Variants in CLVS1 observed in about 807,000 individuals in gnomAD.
CLVS1 encodes the protein clavesin-1.
CLVS1 carries 10 observed loss-of-function variants against 33.1 expected under a neutral mutation model. The ratio of observed to expected loss-of-function variants is 0.30; its 90% CI spans 0.19 to 0.51. CLVS1 has a LOEUF of 0.51. Among genes scored for constraint, CLVS1 ranks in the 20% least tolerant of loss-of-function variants. The probability of loss-of-function intolerance (pLI) is 0.97; values close to 1 mark genes in which losing one functional copy is unlikely to be tolerated. For synonymous variants in CLVS1, 163 were observed against 166.1 expected (o/e 0.98, Z 0.14); for missense variants, 343 against 433.4 (o/e 0.79, Z 1.85).
chr8:61,244,074 AG>A lies in CLVS1; in HGVS notation c.-151-55600del, dbSNP rs578209491. On this transcript the variant is annotated intron_variant, in intron 2 of 2. Transcript: ENST00000522621. ...CAGAGTGGTGAAAAATTTGTCACCC[AG>A]GGCAAACATCCCAGCTGAGGTCGAA... Among the ~76,000 whole-genome samples the A allele has an allele frequency of 2.4e-4, 36 of 152,276 alleles. 1 individual carries two copies. The East Asian group carries it at 6.8e-3, about 29-fold the overall frequency.
At chr8:61,156,269 C>G (rs1406041609) in intron 2 of CLVS1, among the ~76,000 whole-genome samples, 2 of 147,774 alleles carry the variant, frequency 1.4e-5, no homozygotes, top group Non-Finnish European at 3.0e-5. Flanking sequence ...ACCCTCCCAT[C>G]ACCTGGGTCT....
intron 2 of CLVS1, among the ~76,000 whole-genome samples, chr8:61,314,857 T>C (rs921859510): frequency 3.9e-5 from 6 of 152,224 alleles, no homozygotes; most frequent in African/African-American, 1.4e-4. Flanking sequence ...TAATTTCCTG[T>C]AGATTAGGAA....
At chr8:61,188,777 T>A (rs73684410) in intron 2 of CLVS1, among the ~76,000 whole-genome samples, 5 of 151,900 alleles carry the variant, frequency 3.3e-5, no homozygotes, top group African/African-American at 1.2e-4. Flanking sequence ...TTATGGAGCA[T>A]TCAATTCAGA....
At chr8:61,249,234 T>C (rs1808883268) in intron 2 of CLVS1, among the ~76,000 whole-genome samples, 1 of 152,220 alleles carries the variant, frequency 6.6e-6, no homozygotes, top group Admixed American at 6.5e-5. Flanking sequence ...TCCATGTCCC[T>C]GCAAAGGACA....
chr8:61,300,934 T>C (rs529688018), intron 2 of CLVS1: 1 of 152,344 alleles, frequency 6.6e-6, no homozygotes, highest in South Asian at 2.1e-4. Flanking sequence ...TTTCTTCTTA[T>C]AAACTTGTGA....
chr8:61,188,163 T>C (rs925181517), intron 2 of CLVS1, among the ~76,000 whole-genome samples: 1 of 152,170 alleles, frequency 6.6e-6, no homozygotes, highest in Non-Finnish European at 1.5e-5. Context: ...CTTATTATGA[T>C]AGTGAATTGG....
chr8:61,475,999 T>C (rs910590424), intron 5 of CLVS1, among the ~76,000 whole-genome samples: 2 of 152,244 alleles, frequency 1.3e-5, no homozygotes, highest in African/African-American at 2.4e-5. Context: ...GGATCCAGTT[T>C]CAGCTTTCTA....
the CLVS1 span, among the ~76,000 whole-genome samples, chr8:61,024,569 A>G: frequency 1.3e-5 from 2 of 152,160 alleles, no homozygotes; most frequent in African/African-American, 4.8e-5. Context: ...CAGCATGGAT[A>G]TGTGTGTCTG....
At chr8:61,141,715 C>T (rs1316604471) in intron 2 of CLVS1, among the ~76,000 whole-genome samples, 1 of 152,176 alleles carries the variant, frequency 6.6e-6, no homozygotes, top group Non-Finnish European at 1.5e-5. Context: ...CAGGATTGGA[C>T]AAGATTTTGC....
chr8:60,972,994 C>T, the CLVS1 span, among the ~76,000 whole-genome samples: 2 of 152,266 alleles, frequency 1.3e-5, no homozygotes, highest in East Asian at 3.9e-4. Flanking sequence ...GGACAGGAGG[C>T]GAATGCTGCC....
chr8:61,323,404 T>C (rs769309695), intron 2 of CLVS1, among the ~76,000 whole-genome samples: 2 of 152,158 alleles, frequency 1.3e-5, no homozygotes, highest in Non-Finnish European at 1.5e-5. Context: ...TTCCACCTCT[T>C]GAGGGAGGAA....
intron 3 of CLVS1, among the ~76,000 whole-genome samples, chr8:61,433,387 G>A (rs1300463268): frequency 2.6e-5 from 4 of 152,192 alleles, no homozygotes; most frequent in African/African-American, 9.7e-5. Context: ...ATACAATAAA[G>A]TAAAGATGTG....
intron 2 of CLVS1, among the ~76,000 whole-genome samples, chr8:61,258,128 C>T (rs1282381845): frequency 6.6e-6 from 1 of 152,194 alleles, no homozygotes; most frequent in Non-Finnish European, 1.5e-5. Context: ...CTCTGTTGCA[C>T]AAACGCTCTT....
chr8:61,435,712 A>G (rs1238523691), intron 3 of CLVS1, among the ~76,000 whole-genome samples: 1 of 152,136 alleles, frequency 6.6e-6, no homozygotes, highest in Non-Finnish European at 1.5e-5. Flanking sequence ...TCAGAGCAAC[A>G]CTGTGAAATA....
chr8:61,048,830 C>T, the CLVS1 span, among the ~76,000 whole-genome samples: 1 of 151,996 alleles, frequency 6.6e-6, no homozygotes, highest in African/African-American at 2.4e-5. Context: ...TTCCCTCTTC[C>T]CCTCCCTCAC....
intron 3 of CLVS1, among the ~76,000 whole-genome samples, chr8:61,422,572 A>G (rs1815721398): frequency 6.6e-6 from 1 of 152,188 alleles, no homozygotes; most frequent in South Asian, 2.1e-4. Context: ...GTTTTCTTTT[A>G]AGGCCTAATG....
chr8:61,260,402 A>G lies in CLVS1; in HGVS notation c.-151-39275A>G, dbSNP rs111356374. ...TAGTGATAAAGCAAACAGCAAACAC[A>G]TAGTCCAAAGGAAGGAACAAAACAT... On this transcript the variant is annotated intron_variant, in intron 2 of 2. Transcript: ENST00000522621. 7.1e-3 allele frequency among the ~76,000 whole-genome samples: 1,088 copies of G among 152,360 alleles called. 7 individuals are homozygous for G. The highest frequency in any genetic ancestry group is 0.013 in the Non-Finnish European group (872 of 68,034).
chr8:61,049,552 G>T, the CLVS1 span, among the ~76,000 whole-genome samples: 26 of 152,236 alleles, frequency 1.7e-4, no homozygotes, highest in Non-Finnish European at 5.9e-5. Context: ...ACAATCTGAG[G>T]TCCAGTTGGA....
intron 2 of CLVS1, among the ~76,000 whole-genome samples, chr8:61,156,129 G>T (rs540430431): frequency 1.3e-5 from 2 of 148,976 alleles, no homozygotes; most frequent in Non-Finnish European, 3.0e-5. Flanking sequence ...CAGGAGGATC[G>T]CTTGAACCCG....
Sources: gnomAD v4.1 joint callset for allele counts (sites outside exome capture counted in the v4.1 genomes callset) on GRCh38, gnomAD v4.1.1 for gene constraint, MANE v1.5 for transcripts, NCBI Gene and HGNC (gene_info 2026-07-23, HGNC 2026-07-21) for gene names.